The following RPL22 variants were observed in gnomAD, a reference collection of about 807,000 sequenced individuals.
RPL22 encodes large ribosomal subunit protein eL22.
A neutral mutation model predicts 16.2 loss-of-function variants in RPL22; 4 were observed. That is an observed-to-expected ratio of 0.25 (90% confidence interval 0.12 to 0.57). RPL22 has a LOEUF of 0.57. Among genes scored for constraint, RPL22 ranks in the 20% least tolerant of loss-of-function variants. The pLI is 0.92. For missense variants in RPL22, 83 were observed against 156.1 expected (o/e 0.53, Z 2.49); for synonymous variants, 43 against 54.8 (o/e 0.78, Z 0.95).
chr1:6,195,614 T>C (rs1667706096), intron 2 of RPL22, among the ~76,000 whole-genome samples: 2 of 150,724 alleles, frequency 1.3e-5, no homozygotes, highest in Admixed American at 1.3e-4. Context: ...TAGGTGGGCA[T>C]GGTGGCACAC....
At chr1:6,187,538 C>T (rs538548782) in intron 3 of RPL22, among the ~76,000 whole-genome samples, 89 of 145,260 alleles carry the variant, frequency 6.1e-4, no homozygotes, top group African/African-American at 2.2e-3. Flanking sequence ...CGCTTGAACC[C>T]GGGAGGCAGA....
intron 3 of RPL22, among the ~76,000 whole-genome samples, chr1:6,187,956 G>A (rs1429769452): frequency 6.6e-6 from 1 of 152,180 alleles, no homozygotes; most frequent in African/African-American, 2.4e-5. Context: ...CTGCCACTGC[G>A]CTCACGCCCA....
Position 6,194,921 on chromosome 1 carries a change from G to A in RPL22, c.118-1867C>T, listed in dbSNP as rs143408501. On this transcript the variant is annotated intron_variant, in intron 2 of 3. Coordinates refer to ENST00000234875, the MANE Select transcript of RPL22 (RefSeq NM_000983.4). Reference sequence around the variant, plus strand: ...TGGGAGACTGAGGTGGGCAGATCACGAGGTCAGGAGATCGAGACCATCCTG... The same window carrying A: ...TGGGAGACTGAGGTGGGCAGATCACAAGGTCAGGAGATCGAGACCATCCTG... 4.6e-5 allele frequency among the ~76,000 whole-genome samples: 7 copies of A among 152,208 alleles called. No individual in the cohort carries two copies. The East Asian group carries it at 9.7e-4, about 21-fold the overall frequency.
rs1168319671 is a variant in RPL22 at position 6,186,599 on chromosome 1, C to T, written c.*73G>A. Reference sequence around the variant, plus strand: ...CTGTTCAATCCACACTGCAGAGATACAAGGATAAACCACCATTTTGGTTCC... The same window carrying T: ...CTGTTCAATCCACACTGCAGAGATATAAGGATAAACCACCATTTTGGTTCC... On this transcript the variant is annotated 3_prime_UTR_variant, in exon 4 of 4. Coordinates refer to ENST00000234875, the MANE Select transcript of RPL22 (RefSeq NM_000983.4). 9.7e-7 allele frequency: 1 copy of T among 1,028,096 alleles called. No individual in the cohort carries two copies. The highest frequency in any genetic ancestry group is 1.7e-5 in the African/African-American group (1 of 59,484). The allele number at this position is 1,028,096 out of a possible 1,614,324, so 63.7% of individuals were successfully genotyped here.
intron 1 of RPL22, chr1:6,199,326 T>TGGGGCCCC: frequency 8.3e-7 from 1 of 1,207,522 alleles, no homozygotes; most frequent in African/African-American, 1.6e-5. Flanking sequence ...AGCCCCTAGC[T>TGGGGCCCC]GGGGCCCCGG....
chr1:6,191,288 A>C (rs1325770545), intron 3 of RPL22, among the ~76,000 whole-genome samples: 1 of 147,984 alleles, frequency 6.8e-6, no homozygotes, highest in African/African-American at 2.5e-5. Flanking sequence ...TGAACCCAGA[A>C]GCCGGAGGTT....
In RPL22 at chr1:6,186,836, G is replaced by A. The variant is rs776576619; in HGVS notation, c.243-20C>T. On this transcript the variant is annotated intron_variant, in intron 3 of 3. Transcript: ENST00000234875. ...AAATACCTGCAGAGAAAGGACACAA[G>A]AACTCCACTAGACAGTTGGTGCTTG... The A allele has an allele frequency of 3.1e-6, 5 of 1,612,614 alleles. No individual in the cohort carries two copies. The highest frequency in any genetic ancestry group is 1.3e-5 in the African/African-American group (1 of 74,884).
chr1:6,188,300 G>A (rs1041795058), intron 3 of RPL22, among the ~76,000 whole-genome samples: 6 of 152,110 alleles, frequency 3.9e-5, no homozygotes, highest in South Asian at 2.1e-4. Flanking sequence ...CCGAAGTGCT[G>A]GGATTATAGC....
At chr1:6,193,718 G>A (rs1003324966) in intron 2 of RPL22, among the ~76,000 whole-genome samples, 3 of 152,056 alleles carry the variant, frequency 2.0e-5, no homozygotes, top group African/African-American at 7.2e-5. Context: ...CCCAAAGCGT[G>A]GGGATTACAG....
chr1:6,198,127 T>C (rs1667745670), intron 1 of RPL22: 1 of 218,466 alleles, frequency 4.6e-6, no homozygotes, highest in Non-Finnish European at 9.2e-6. Flanking sequence ...TTCAAAAAAA[T>C]ACTATTTTTC....
In RPL22 at chr1:6,186,239, A is replaced by G. The variant is rs1571183366; in HGVS notation, c.*433T>C. The G allele has an allele frequency of 4.2e-6, 1 of 240,496 alleles. No homozygotes were observed. Among genetic ancestry groups the G allele is most frequent in the East Asian group, 6.0e-5 (1 of 16,714 alleles). 14.9% of individuals were successfully genotyped at this position (240,496 alleles called of 1,614,324 possible). A position where few individuals can be genotyped will look rare whatever the true frequency, so the allele number is the denominator to read the frequency against. On this transcript the variant is annotated 3_prime_UTR_variant, in exon 4 of 4. Transcript: ENST00000234875. ...CGAATGGCCCAGAAACCCGCATTTT[A>G]TTGACAGTCATTTTCCCACAGAGAA...
intron 1 of RPL22, 49 bp downstream of exon 1, chr1:6,199,513 G>A (rs1424252110): frequency 1.9e-6 from 3 of 1,549,102 alleles, no homozygotes; most frequent in East Asian, 4.9e-5. Context: ...GCTCGGCGAG[G>A]CCCACGTGCC....
In RPL22 at chr1:6,192,899, C is replaced by G. The variant is rs755289033; in HGVS notation, c.242+31G>C. The G allele has an allele frequency of 3.1e-6, 5 of 1,589,952 alleles. No individual in the cohort carries two copies. In the South Asian group the frequency reaches 3.3e-5, roughly 11 times the overall value. ...AAAGGCGGGCTGGGCACTGGGTGCA[C>G]GCAGGCCACACACACACTTCCCTCC... On this transcript the variant is annotated intron_variant, in intron 3 of 3. Transcript: ENST00000234875.
At chr1:6,189,613 A>G (rs1667624272) in intron 3 of RPL22, among the ~76,000 whole-genome samples, 1 of 97,522 alleles carries the variant, frequency 1.0e-5, no homozygotes, top group Admixed American at 1.1e-4. Flanking sequence ...AAATCAGGTT[A>G]AAAAAAAAAA....
At position 6,199,275 on chromosome 1, in the gene RPL22, G is replaced by A; in HGVS notation, c.12+287C>T. On this transcript the variant is annotated intron_variant, in intron 1 of 3. Coordinates refer to ENST00000234875, the MANE Select transcript of RPL22 (RefSeq NM_000983.4). ...CCCCGGCCGGGGTCCGAGGACCAGTGGCCGGCCCAGACCGCAGTCTCCAGG... is the reference window on the plus strand; with the variant it reads ...CCCCGGCCGGGGTCCGAGGACCAGTAGCCGGCCCAGACCGCAGTCTCCAGG... 4.6e-6 allele frequency: 3 copies of A among 653,630 alleles called. No homozygotes were observed. The South Asian group carries it at 2.0e-4, about 44-fold the overall frequency. The allele number at this position is 653,630 out of a possible 1,614,324, so 40.5% of individuals were successfully genotyped here.
chr1:6,197,509 C>A (rs1456844894), intron 2 of RPL22, 143 bp downstream of exon 2: 2 of 618,066 alleles, frequency 3.2e-6, no homozygotes, highest in Admixed American at 2.9e-5. Flanking sequence ...AAGTAATCTG[C>A]CCACATTCCC....
intron 1 of RPL22, 43 bp downstream of exon 1, chr1:6,199,519 G>C: frequency 6.4e-7 from 1 of 1,550,876 alleles, no homozygotes. Context: ...CGAGGCCCAC[G>C]TGCCTCCCCT....
chr1:6,185,718 T>C lies in RPL22; in HGVS notation c.*954A>G. On this transcript the variant is annotated 3_prime_UTR_variant, in exon 4 of 4. Transcript: ENST00000234875. ...TCACTCACAGCAACAATTGCATTTT[T>C]TTCCCAGCCTTGGTAGCCCCTTTCA... The C allele has an allele frequency of 3.9e-6, 1 of 254,982 alleles. No individual in the cohort carries two copies. The highest frequency in any genetic ancestry group is 1.8e-4 in the South Asian group (1 of 5,712). The allele number at this position is 254,982 out of a possible 1,614,324, so 15.8% of individuals were successfully genotyped here.
At chr1:6,191,279 G>C (rs1277779537) in intron 3 of RPL22, among the ~76,000 whole-genome samples, 2 of 145,264 alleles carry the variant, frequency 1.4e-5, no homozygotes, top group African/African-American at 5.2e-5. Context: ...AGAATCGCTT[G>C]AACCCAGAAG....
Sources: gnomAD v4.1 joint callset for allele counts (sites outside exome capture counted in the v4.1 genomes callset) on GRCh38, gnomAD v4.1.1 for gene constraint, MANE v1.5 for transcripts, NCBI Gene and HGNC (gene_info 2026-07-23, HGNC 2026-07-21) for gene names.